PHEX: variants seen among roughly 807,000 people sequenced by gnomAD.
PHEX encodes phosphate regulating endopeptidase X-linked, also known as phosphate-regulating neutral endopeptidase PHEX.
Under a neutral mutation model 68.0 loss-of-function variants are expected in PHEX, and 16 were observed. The ratio of observed to expected loss-of-function variants is 0.24; its 90% CI spans 0.16 to 0.36. The LOEUF (loss-of-function observed/expected upper bound fraction) is 0.36. PHEX is among the 10% of genes least tolerant of loss of function. PHEX has a pLI of 1.00. For missense variants in PHEX, 480 were observed against 575.5 expected (o/e 0.83, Z 1.70); for synonymous variants, 208 against 205.1 (o/e 1.01, Z -0.12).
chrX:22,231,483 A>C (rs980947424), intron 20 of PHEX, among the ~76,000 whole-genome samples: 1 of 108,666 alleles, frequency 9.2e-6, no homozygotes, highest in Admixed American at 9.6e-5. Flanking sequence ...TTCAACTTCT[A>C]CCTGGTTTAG....
intron 7 of PHEX, among the ~76,000 whole-genome samples, chrX:22,095,053 G>A (rs1320785239): frequency 1.8e-5 from 2 of 111,761 alleles, no homozygotes; most frequent in Non-Finnish European, 3.8e-5. Flanking sequence ...GAGTCCAAAT[G>A]TTGATTGGTT....
chrX:22,157,146 G>C (rs1251730642), intron 12 of PHEX, among the ~76,000 whole-genome samples: 1 of 112,106 alleles, frequency 8.9e-6, no homozygotes, highest in African/African-American at 3.2e-5. Flanking sequence ...GCCTCCCAAA[G>C]TGCTGGAATA....
chrX:22,038,182 G>GCT (rs1238704808), intron 1 of PHEX, among the ~76,000 whole-genome samples: 1 of 110,512 alleles, frequency 9.0e-6, no homozygotes, highest in Admixed American at 9.6e-5. Flanking sequence ...AGCAGCAGCA[G>GCT]CTGCTGCTGC....
intron 9 of PHEX, 59 bp from the exon 10 acceptor site, chrX:22,111,408 T>G: frequency 1.1e-6 from 1 of 914,633 alleles, no homozygotes; most frequent in Non-Finnish European, 1.6e-6. Context: ...CAAGATGTTC[T>G]GCAGAGCATC....
At chrX:22,116,515 A>C (rs1261543553) in intron 11 of PHEX, among the ~76,000 whole-genome samples, 1 of 111,948 alleles carries the variant, frequency 8.9e-6, no homozygotes, top group Non-Finnish European at 1.9e-5. Context: ...TAAAGGGCAA[A>C]GACATTGTAA....
At chrX:22,142,110 G>A (rs982422465) in intron 12 of PHEX, among the ~76,000 whole-genome samples, 1 of 111,201 alleles carries the variant, frequency 9.0e-6, no homozygotes, top group African/African-American at 3.3e-5. Flanking sequence ...AAATTAGCCG[G>A]GTGTGGTGGC....
intron 15 of PHEX, among the ~76,000 whole-genome samples, chrX:22,200,888 T>C (rs899722970): frequency 1.5e-4 from 17 of 110,860 alleles, no homozygotes; most frequent in African/African-American, 4.9e-4. Flanking sequence ...CATCAAGCAG[T>C]TCATTATTGC....
intron 3 of PHEX, among the ~76,000 whole-genome samples, chrX:22,073,271 TATC>T (rs1928987112): frequency 8.8e-6 from 1 of 113,378 alleles, no homozygotes; most frequent in Non-Finnish European, 1.9e-5. Flanking sequence ...TGATCCCCGT[TATC>T]ATGTGCCCAG....
In PHEX at chrX:22,071,747, A is replaced by C. The variant is rs6633515; in HGVS notation, c.350-4641A>C. 3.2e-3 allele frequency among the ~76,000 whole-genome samples: 367 copies of C among 112,955 alleles called. 3 individuals carry two copies. Among genetic ancestry groups the C allele is most frequent in the African/African-American group, 0.011 (351 of 31,154 alleles). On this transcript the variant is annotated intron_variant, in intron 3 of 21. Coordinates refer to ENST00000379374, the MANE Select transcript of PHEX (RefSeq NM_000444.6). ...CATGGTTGTCCACACCATGGTCAAA[A>C]ACAAATTTTAGATGGACTGTAGATC...
chrX:22,081,417 T>C (rs1047108477), intron 5 of PHEX, among the ~76,000 whole-genome samples: 4 of 111,981 alleles, frequency 3.6e-5, no homozygotes, highest in Non-Finnish European at 7.5e-5. Flanking sequence ...CTCTTTCTGC[T>C]CTGGGAGAAA....
At chrX:22,179,223 CT>C (rs11346172) in intron 14 of PHEX, among the ~76,000 whole-genome samples, 21,837 of 110,128 alleles carry the variant, frequency 0.2, 1,800 homozygotes, top group Non-Finnish European at 0.26. Flanking sequence ...TTCTCCAATG[CT>C]TTTTTTTCTC....
intron 15 of PHEX, among the ~76,000 whole-genome samples, chrX:22,200,845 G>C (rs773770742): frequency 6.3e-5 from 7 of 110,540 alleles, no homozygotes; most frequent in Non-Finnish European, 1.3e-4. Context: ...TGGTCCCCAA[G>C]TCCTACTGAT....
rs183060188 is a variant in PHEX, at chrX:22,114,961, A to G, written c.1302+375A>G. ...GTTCTTCTCCATCTGTTTCAACTGC[A>G]TTGGAGAAAAGGGTGTATTTTTTTT... is the stretch of plus-strand genomic sequence containing the variant. On this transcript the variant is annotated intron_variant, in intron 11 of 21. Coordinates refer to ENST00000379374, the MANE Select transcript of PHEX (RefSeq NM_000444.6). Among the ~76,000 whole-genome samples the G allele has an allele frequency of 1.9e-3, 211 of 111,917 alleles. 1 individual carries two copies. The Middle Eastern group carries it at 0.023, about 12-fold the overall frequency.
intron 3 of PHEX, among the ~76,000 whole-genome samples, chrX:22,048,455 TAGAC>T (rs995516098): frequency 2.7e-5 from 3 of 111,475 alleles, no homozygotes; most frequent in African/African-American, 9.8e-5. Context: ...CTTTTCTTAA[TAGAC>T]AGATGTGTAC....
In PHEX at chrX:22,221,609, C is replaced by T; in HGVS notation, c.1769-4C>T. The T allele has an allele frequency of 8.4e-7, 1 of 1,196,066 alleles. No individual in the cohort carries two copies. The highest frequency in any genetic ancestry group is 3.0e-5 in the East Asian group (1 of 33,751). On this transcript the variant is annotated splice_region_variant and splice_polypyrimidine_tract_variant and intron_variant, in intron 17 of 21. Coordinates refer to ENST00000379374, the MANE Select transcript of PHEX (RefSeq NM_000444.6). ...AAATGTCTTCGAACTTTTCCTTTTGCTAGGTAGAAAATATGATAAAAATGG... is the reference window on the plus strand; with the variant it reads ...AAATGTCTTCGAACTTTTCCTTTTGTTAGGTAGAAAATATGATAAAAATGG...
At chrX:22,207,671 C>T (rs1400280525) in intron 15 of PHEX, among the ~76,000 whole-genome samples, 1 of 110,977 alleles carries the variant, frequency 9.0e-6, no homozygotes, top group African/African-American at 3.3e-5. Context: ...TACAAAATTA[C>T]TCTATTAACT....
At chrX:22,062,190 C>T (rs745740753) in intron 3 of PHEX, among the ~76,000 whole-genome samples, 6 of 111,415 alleles carry the variant, frequency 5.4e-5, no homozygotes, top group South Asian at 3.8e-4. Context: ...ACCACCCATG[C>T]GGGGATTAGA....
rs1933779118 is a variant in PHEX at position 22,178,394 on chromosome X, A to T, written c.1586+18A>T. The T allele has an allele frequency of 1.0e-6, 1 of 960,856 alleles. No individual in the cohort carries two copies. The highest frequency in any genetic ancestry group is 1.5e-6 in the Non-Finnish European group (1 of 672,027). The allele number at this position is 960,856 out of a possible 1,213,427, so 79.2% of individuals were successfully genotyped here. ...AAAACAGAGTGAGTATTAAACAAAA[A>T]AAGTTAAATAGATAAATACATTGGT... On this transcript the variant is annotated intron_variant, in intron 14 of 21. Transcript: ENST00000379374.
chrX:22,045,150 T>C (rs1927470830), intron 2 of PHEX, among the ~76,000 whole-genome samples: 1 of 111,455 alleles, frequency 9.0e-6, no homozygotes. Flanking sequence ...TTTGAAATTT[T>C]TGTAGAAAGT....
Sources: gnomAD v4.1 joint callset for allele counts (sites outside exome capture counted in the v4.1 genomes callset) on GRCh38, gnomAD v4.1.1 for gene constraint, MANE v1.5 for transcripts, NCBI Gene and HGNC (gene_info 2026-07-23, HGNC 2026-07-21) for gene names.